The following FRMD4A variants were observed in gnomAD, a reference collection of about 807,000 sequenced individuals.
FRMD4A encodes FERM domain-containing protein 4A.
A neutral mutation model predicts 129.1 loss-of-function variants in FRMD4A; 29 were observed. The ratio of observed to expected loss-of-function variants is 0.22; its 90% CI spans 0.17 to 0.31. The LOEUF (loss-of-function observed/expected upper bound fraction) is 0.31, where lower values mean the gene tolerates loss of function less well. FRMD4A is among the 10% of genes least tolerant of loss of function. The pLI, the probability that FRMD4A is intolerant of heterozygous loss-of-function variation, is 1.00. For synonymous variants in FRMD4A, 634 were observed against 571.6 expected, an observed-to-expected ratio of 1.11 and a Z score of -1.56; for missense variants, 1,272 against 1,375.8, an observed-to-expected ratio of 0.92 and a Z score of 1.19.
In FRMD4A at chr10:13,977,524, C is replaced by T. The variant is rs549058369; in HGVS notation, c.46-118612G>A. 4.6e-5 allele frequency among the ~76,000 whole-genome samples: 7 copies of T among 152,182 alleles called. 1 individual carries two copies. Among genetic ancestry groups the T allele is most frequent in the African/African-American group, 7.2e-5 (3 of 41,438 alleles). On this transcript the variant is annotated intron_variant, in intron 2 of 24. Transcript: ENST00000357447. ...TGAGATATAATTGATATACCGTATA[C>T]TTCAGTCATTTAAAATGTACAATTC...
intron 2 of FRMD4A, among the ~76,000 whole-genome samples, chr10:14,243,341 T>G (rs1218392): frequency 6.6e-6 from 1 of 152,020 alleles, no homozygotes; most frequent in African/African-American, 2.4e-5. Context: ...TCTGATGATT[T>G]TGTAAGTGTT....
chr10:13,884,077 T>G (rs937201916), intron 2 of FRMD4A, among the ~76,000 whole-genome samples: 6 of 150,478 alleles, frequency 4.0e-5, no homozygotes, highest in Non-Finnish European at 7.4e-5. Context: ...TTCACGGTGG[T>G]TGAGTGGTTG....
chr10:13,926,766 A>T (rs559458428), intron 2 of FRMD4A, among the ~76,000 whole-genome samples: 18 of 152,368 alleles, frequency 1.2e-4, no homozygotes, highest in African/African-American at 4.3e-4. Flanking sequence ...ATGTACAAGG[A>T]TACACAGAAT....
intron 2 of FRMD4A, among the ~76,000 whole-genome samples, chr10:14,094,283 A>C (rs568154592): frequency 6.6e-6 from 1 of 152,348 alleles, no homozygotes; most frequent in East Asian, 1.9e-4. Flanking sequence ...GTATAGAGAA[A>C]GGGTGCGTGG....
intron 2 of FRMD4A, among the ~76,000 whole-genome samples, chr10:14,267,005 G>A (rs760990929): frequency 1.3e-5 from 2 of 152,186 alleles, no homozygotes; most frequent in African/African-American, 4.8e-5. Flanking sequence ...TGTCACTAGT[G>A]CTGTGTAATG....
chr10:13,660,470 G>T lies in FRMD4A; in HGVS notation c.1744C>A (p.Pro582Thr), dbSNP rs749054898. ...CCCTCCAGGGACTGGGGAGGAGGAG[G>T]CCTGTTGTGCGACGGTGGCCGAGGA... ...LPPRPPSHNRPPPPQSLEGLR... is the reference protein window; with the variant it reads ...LPPRPPSHNRTPPPQSLEGLR... The change falls in exon 20 of 25, where the codon CCT becomes ACT. Residue 582 changes from proline to threonine, a missense_variant. Coordinates refer to ENST00000357447, the MANE Select transcript of FRMD4A (RefSeq NM_018027.5). The T allele has an allele frequency of 4.3e-6, 7 of 1,614,066 alleles. No individual in the cohort carries two copies. The highest frequency in any genetic ancestry group is 5.1e-6 in the Non-Finnish European group (6 of 1,179,904).
intron 11 of FRMD4A, among the ~76,000 whole-genome samples, chr10:13,738,175 C>T (rs112597598): frequency 0.027 from 4,111 of 152,242 alleles, 75 homozygotes; most frequent in Middle Eastern, 0.044. Context: ...ATCAGCCGCA[C>T]AGCCGAGGTC....
chr10:13,723,054 C>A (rs953079643), intron 12 of FRMD4A, among the ~76,000 whole-genome samples: 31 of 150,438 alleles, frequency 2.1e-4, no homozygotes, highest in African/African-American at 7.1e-4. Context: ...GCTAGGTCAC[C>A]ATGCTGGTTA....
chr10:14,249,583 T>C (rs1844365101), intron 2 of FRMD4A, among the ~76,000 whole-genome samples: 1 of 152,190 alleles, frequency 6.6e-6, no homozygotes, highest in African/African-American at 2.4e-5. Context: ...GCTCTCAGCA[T>C]CCATAACAAT....
At chr10:14,104,958 G>A (rs1286359830) in intron 2 of FRMD4A, among the ~76,000 whole-genome samples, 3 of 152,184 alleles carry the variant, frequency 2.0e-5, no homozygotes, top group Admixed American at 6.5e-5. Context: ...GGATCCAAAT[G>A]AACTCAGTTA....
chr10:13,899,485 G>C (rs570387292), intron 2 of FRMD4A, among the ~76,000 whole-genome samples: 56 of 152,318 alleles, frequency 3.7e-4, no homozygotes, highest in Middle Eastern at 6.8e-3. Flanking sequence ...TACAGACAAG[G>C]AACTTGGGAT....
At chr10:14,024,831 C>T (rs1832915333) in intron 2 of FRMD4A, among the ~76,000 whole-genome samples, 1 of 152,186 alleles carries the variant, frequency 6.6e-6, no homozygotes, top group Non-Finnish European at 1.5e-5. Context: ...GACTGTCTGA[C>T]TCTGATATTT....
rs907931375 is a variant in FRMD4A, at chr10:13,901,643, A to G, written c.46-42731T>C. ...AAAAAAAAGAATGGAAAAGATTTTC[A>G]GCAAATATTCCTTTTCCTATTGTAA... On this transcript the variant is annotated intron_variant, in intron 2 of 24. Coordinates refer to ENST00000357447, the MANE Select transcript of FRMD4A (RefSeq NM_018027.5). 7.2e-5 allele frequency among the ~76,000 whole-genome samples: 11 copies of G among 151,816 alleles called. 1 individual carries two copies. In the South Asian group the frequency reaches 1.5e-3, roughly 20 times the overall value.
chr10:13,955,000 T>C (rs1303259014), intron 2 of FRMD4A, among the ~76,000 whole-genome samples: 1 of 152,206 alleles, frequency 6.6e-6, no homozygotes, highest in East Asian at 1.9e-4. Context: ...CAATTTTCTT[T>C]CTTAGGGCCA....
chr10:13,732,247 A>G (rs945651314), intron 12 of FRMD4A, among the ~76,000 whole-genome samples: 3 of 152,064 alleles, frequency 2.0e-5, no homozygotes, highest in Non-Finnish European at 2.9e-5. Flanking sequence ...CTGGAGAATG[A>G]GGGACGGGCT....
intron 19 of FRMD4A, among the ~76,000 whole-genome samples, chr10:13,662,772 A>G (rs990657504): frequency 6.6e-5 from 10 of 152,148 alleles, no homozygotes; most frequent in African/African-American, 2.4e-4. Flanking sequence ...GGTGTGTTCC[A>G]TTTCTTCTCA....
intron 2 of FRMD4A, among the ~76,000 whole-genome samples, chr10:14,023,499 A>G (rs1465889023): frequency 6.6e-6 from 1 of 152,122 alleles, no homozygotes; most frequent in Non-Finnish European, 1.5e-5. Flanking sequence ...AACAGCTCAC[A>G]GCCGCCTTCC....
chr10:14,047,116 C>T (rs942640165), intron 2 of FRMD4A, among the ~76,000 whole-genome samples: 7 of 152,108 alleles, frequency 4.6e-5, no homozygotes, highest in African/African-American at 9.7e-5. Flanking sequence ...TCTTGTGCCA[C>T]GATGGCAATT....
chr10:14,128,010 T>C lies in FRMD4A; in HGVS notation c.45+202048A>G, dbSNP rs1402913624. On this transcript the variant is annotated intron_variant, in intron 2 of 24. Coordinates refer to ENST00000357447, the MANE Select transcript of FRMD4A (RefSeq NM_018027.5). ...TCTCTCTCTCTCTCTCTTTCTTTCTTTCTTCCTTCCTTCCTTCCTTCCTTC... is the reference window on the plus strand; with the variant it reads ...TCTCTCTCTCTCTCTCTTTCTTTCTCTCTTCCTTCCTTCCTTCCTTCCTTC... Among the ~76,000 whole-genome samples the C allele has an allele frequency of 3.2e-4, 40 of 125,360 alleles. 2 individuals carry two copies. Among genetic ancestry groups the C allele is most frequent in the African/African-American group, 1.1e-3 (34 of 29,806 alleles). The allele number at this position is 125,360 out of a possible 152,430, so 82.2% of individuals were successfully genotyped here. A position where few individuals can be genotyped will look rare whatever the true frequency, so the allele number is the denominator to read the frequency against.
Sources: gnomAD v4.1 joint callset for allele counts (sites outside exome capture counted in the v4.1 genomes callset) on GRCh38, gnomAD v4.1.1 for gene constraint, MANE v1.5 for transcripts, NCBI Gene and HGNC (gene_info 2026-07-23, HGNC 2026-07-21) for gene names.